Variants in PMP22 observed in about 807,000 individuals in gnomAD.
PMP22 encodes the protein peripheral myelin protein 22.
Under a neutral mutation model 18.9 loss-of-function variants are expected in PMP22, and 2 were observed. That is an observed-to-expected ratio of 0.11 (90% CI 0.04 to 0.33). The LOEUF is 0.33. Ranked by LOEUF, PMP22 falls within the 10% of genes least tolerant of loss-of-function variation. The probability of loss-of-function intolerance (pLI) is 1.00; values close to 1 mark genes in which losing one functional copy is unlikely to be tolerated. For synonymous variants in PMP22, 95 were observed against 89.2 expected (o/e 1.07, Z -0.37); for missense variants, 169 against 202.2 (o/e 0.84, Z 1.00).
intron 4 of PMP22, among the ~76,000 whole-genome samples, chr17:15,233,095 C>T (rs746193109): frequency 2.0e-5 from 3 of 152,216 alleles, no homozygotes; most frequent in Non-Finnish European, 2.9e-5. Flanking sequence ...GATTCTTTGG[C>T]TGGGTTCCCT....
At chr17:15,263,511 C>A (rs553255841) in intron 1 of PMP22, among the ~76,000 whole-genome samples, 3 of 152,126 alleles carry the variant, frequency 2.0e-5, no homozygotes, top group South Asian at 4.2e-4. Flanking sequence ...AGCCTTGAGG[C>A]ACGGGACAGG....
intron 3 of PMP22, among the ~76,000 whole-genome samples, chr17:15,257,752 C>T (rs968388306): frequency 6.6e-6 from 1 of 152,220 alleles, no homozygotes; most frequent in Non-Finnish European, 1.5e-5. Context: ...CACTCAGAGA[C>T]AAGATTAAGC....
chr17:15,235,222 G>A lies in PMP22; in HGVS notation c.320-4142C>T, dbSNP rs976316377. 1.8e-5 allele frequency: 13 copies of A among 717,426 alleles called. No homozygotes were observed. In the Admixed American group the frequency reaches 2.4e-4, roughly 13 times the overall value. 44.4% of individuals were successfully genotyped at this position (717,426 alleles called of 1,614,324 possible). ...AGAGAGAGAAAGTGAAACTCACTCA[G>A]GAGTCCCCTCTATTCTTTCTGTTCT... On this transcript the variant is annotated intron_variant, in intron 4 of 4. Coordinates refer to ENST00000312280, the MANE Select transcript of PMP22 (RefSeq NM_000304.4).
At chr17:15,257,633 A>G (rs1908956757) in intron 3 of PMP22, among the ~76,000 whole-genome samples, 1 of 152,230 alleles carries the variant, frequency 6.6e-6, no homozygotes, top group Non-Finnish European at 1.5e-5. Context: ...AAGCAGTGCT[A>G]CGGTCACATT....
intron 2 of PMP22, chr17:15,260,398 T>C (rs1909211475): frequency 1.8e-6 from 1 of 570,236 alleles, no homozygotes; most frequent in Non-Finnish European, 3.2e-6. Context: ...CTAGATCGGC[T>C]CTGAAGTTAC....
chr17:15,239,329 C>G, intron 4 of PMP22, 142 bp downstream of exon 4: 3 of 958,346 alleles, frequency 3.1e-6, no homozygotes, highest in Non-Finnish European at 5.1e-6. Flanking sequence ...ATACAAGCAC[C>G]CACCCTCACT....
chr17:15,247,170 C>CT (rs35232529), intron 3 of PMP22, among the ~76,000 whole-genome samples: 49,870 of 150,780 alleles, frequency 0.33, 9,375 homozygotes, highest in Middle Eastern at 0.42. Flanking sequence ...GAGATTGAGA[C>CT]CATCCTGGCT....
chr17:15,238,176 G>A (rs1906975779), intron 4 of PMP22, among the ~76,000 whole-genome samples: 2 of 152,144 alleles, frequency 1.3e-5, no homozygotes, highest in South Asian at 4.1e-4. Flanking sequence ...ACATGTGTAA[G>A]TAGCAAAGCA....
intron 3 of PMP22, among the ~76,000 whole-genome samples, chr17:15,242,619 A>G (rs1305644092): frequency 6.6e-6 from 1 of 152,198 alleles, no homozygotes; most frequent in Non-Finnish European, 1.5e-5. Flanking sequence ...TCACAATAAC[A>G]GTAGAAGACT....
chr17:15,255,635 T>A lies in PMP22; in HGVS notation c.178+3459A>T, dbSNP rs140720759. Among the ~76,000 whole-genome samples, 5 of 152,318 alleles carry A rather than the reference T, an allele frequency of 3.3e-5. No individual in the cohort carries two copies. The East Asian group carries it at 9.6e-4, about 29-fold the overall frequency. On this transcript the variant is annotated intron_variant, in intron 3 of 4. Coordinates refer to ENST00000312280, the MANE Select transcript of PMP22 (RefSeq NM_000304.4). Reference sequence around the variant, plus strand: ...CCTATCATTTGAAGATGTTCTCTTATACACAATCAATCCTAATCCTAACCA... The same window carrying A: ...CCTATCATTTGAAGATGTTCTCTTAAACACAATCAATCCTAATCCTAACCA...
rs932915992 is a variant in PMP22, at chr17:15,261,679, C to T, written c.-34-918G>A. Reference sequence around the variant, plus strand: ...GCCTGGACCGAAGGGAGTAGATGTCCAGCGGACGGGAGAGAGAGACAGAGG... The same window carrying T: ...GCCTGGACCGAAGGGAGTAGATGTCTAGCGGACGGGAGAGAGAGACAGAGG... On this transcript the variant is annotated intron_variant, in intron 1 of 4. Coordinates refer to ENST00000312280, the MANE Select transcript of PMP22 (RefSeq NM_000304.4). The surrounding 1 kb of genome is among the most constrained non-coding windows in gnomAD (Gnocchi z 5.2). The T allele has an allele frequency of 6.6e-6, 1 of 152,276 alleles. No homozygotes were observed. The highest frequency in any genetic ancestry group is 2.4e-5 in the African/African-American group (1 of 41,462). 9.4% of individuals were successfully genotyped at this position (152,276 alleles called of 1,614,324 possible).
At chr17:15,246,374 A>T (rs761472613) in intron 3 of PMP22, among the ~76,000 whole-genome samples, 1 of 152,252 alleles carries the variant, frequency 6.6e-6, no homozygotes, top group South Asian at 2.1e-4. Context: ...TCTTATTTAC[A>T]AAAGCAGGTT....
At chr17:15,238,872 A>C (rs544928773) in intron 4 of PMP22, among the ~76,000 whole-genome samples, 3 of 152,208 alleles carry the variant, frequency 2.0e-5, no homozygotes, top group African/African-American at 7.2e-5. Flanking sequence ...TCATAGCCCC[A>C]TGTTTGGAAA....
chr17:15,233,642 C>T (rs1460878009), intron 4 of PMP22, among the ~76,000 whole-genome samples: 2 of 152,316 alleles, frequency 1.3e-5, no homozygotes, highest in East Asian at 1.9e-4. Flanking sequence ...TTAATGAGTG[C>T]CTATTGCATG....
intron 1 of PMP22, among the ~76,000 whole-genome samples, chr17:15,264,633 C>A (rs79464653): frequency 0.019 from 2,842 of 152,302 alleles, 90 homozygotes; most frequent in African/African-American, 0.065. Context: ...AATCAATAAC[C>A]ACCCAGGTCA....
intron 3 of PMP22, among the ~76,000 whole-genome samples, chr17:15,242,250 T>TAAA (rs1354313329): frequency 2.2e-5 from 1 of 45,364 alleles, no homozygotes; most frequent in Admixed American, 3.4e-4. Flanking sequence ...AGACTCTGTC[T>TAAA]CAAAAAAAAA....
intron 4 of PMP22, among the ~76,000 whole-genome samples, chr17:15,231,974 GT>G (rs1417683421): frequency 6.6e-6 from 1 of 152,130 alleles, no homozygotes; most frequent in Non-Finnish European, 1.5e-5. Flanking sequence ...ACAAGGAGGG[GT>G]CCAGTGATGT....
rs1284431434 is a variant in PMP22 at position 15,261,015 on chromosome 17, A to T, written c.-34-254T>A. ...CGGAACATCTTTTGCTTTTGGAAACAAAACAAGCGGTTCGCACGTCTAAAA... is the reference window on the plus strand; with the variant it reads ...CGGAACATCTTTTGCTTTTGGAAACTAAACAAGCGGTTCGCACGTCTAAAA... On this transcript the variant is annotated intron_variant, in intron 1 of 4. Transcript: ENST00000312280. The surrounding 1 kb of genome is among the most constrained non-coding windows in gnomAD (Gnocchi z 5.2). 2.5e-5 allele frequency: 6 copies of T among 244,152 alleles called. No individual in the cohort carries two copies. The East Asian group carries it at 5.3e-4, about 22-fold the overall frequency. 15.1% of individuals were successfully genotyped at this position (244,152 alleles called of 1,614,324 possible).
rs1185973044 is a variant in PMP22 at position 15,239,630 on chromosome 17, T to C, written c.179-19A>G. 1 of 1,613,340 alleles carries C rather than the reference T, an allele frequency of 6.2e-7. No individual in the cohort carries two copies. Among genetic ancestry groups the C allele is most frequent in the Non-Finnish European group, 8.5e-7 (1 of 1,179,808 alleles). On this transcript the variant is annotated intron_variant, in intron 3 of 4. Coordinates refer to ENST00000312280, the MANE Select transcript of PMP22 (RefSeq NM_000304.4). The stretch of plus-strand genomic sequence containing the variant: ...AGCCATTCTGGGGGAAAGAGACACT[T>C]GGTTAGGAGAGCTGGCCATGGCCGG...
Sources: allele counts gnomAD v4.1 joint callset (sites outside exome capture counted in the v4.1 genomes callset), GRCh38; gene constraint gnomAD v4.1.1; non-coding constraint Gnocchi (gnomAD v3.1); transcripts MANE v1.5; gene names NCBI Gene and HGNC (gene_info 2026-07-23, HGNC 2026-07-21).